Variants in JARID2 observed in about 807,000 individuals in gnomAD.
JARID2 encodes the protein jumonji and AT-rich interaction domain containing 2.
In JARID2, 21 loss-of-function variants were observed where a neutral mutation model predicts 125.6. That is an observed-to-expected ratio of 0.17 (90% CI 0.12 to 0.24). The LOEUF is 0.24. Ranked by LOEUF, JARID2 falls within the 10% of genes least tolerant of loss-of-function variation. The pLI, the probability that JARID2 is intolerant of heterozygous loss-of-function variation, is 1.00. For synonymous variants in JARID2, 736 were observed against 661.6 expected (o/e 1.11, Z -1.73); for missense variants, 1,303 against 1,639.6 (o/e 0.79, Z 3.55).
At chr6:15,246,638 G>C (rs1759191459) in intron 1 of JARID2, 54 bp downstream of exon 1, 3 of 1,408,054 alleles carry the variant, frequency 2.1e-6, no homozygotes, top group Middle Eastern at 3.6e-4. Context: ...CAATGGCTGT[G>C]AATGTCAAGT....
At chr6:15,471,083 A>C (rs945518617) in intron 5 of JARID2, among the ~76,000 whole-genome samples, 6 of 152,218 alleles carry the variant, frequency 3.9e-5, no homozygotes, top group African/African-American at 1.4e-4. Flanking sequence ...GTGAACCTGA[A>C]CTTGAGAAGC....
chr6:15,381,489 T>G (rs1764587619), intron 2 of JARID2, among the ~76,000 whole-genome samples: 1 of 152,172 alleles, frequency 6.6e-6, no homozygotes, highest in Admixed American at 6.5e-5. Context: ...GCCTCCAGAC[T>G]TTTTTCTTTC....
chr6:15,394,047 A>C (rs1212134081), intron 2 of JARID2, among the ~76,000 whole-genome samples: 1 of 152,158 alleles, frequency 6.6e-6, no homozygotes. Context: ...GAGGTCTTCT[A>C]CTTCCGAGGA....
chr6:15,483,811 C>CT (rs1769738075), intron 5 of JARID2, among the ~76,000 whole-genome samples: 1 of 152,126 alleles, frequency 6.6e-6, no homozygotes, highest in African/African-American at 2.4e-5. Flanking sequence ...TACGTTTCTC[C>CT]TTTTGAGGAG....
chr6:15,452,298 AG>A, intron 4 of JARID2, 123 bp downstream of exon 4: 2 of 1,393,238 alleles, frequency 1.4e-6, no homozygotes, highest in Non-Finnish European at 1.9e-6. Flanking sequence ...ACCTGGGTTG[AG>A]GGGGAATTGA....
At chr6:15,309,429 G>A (rs1475922693) in intron 1 of JARID2, among the ~76,000 whole-genome samples, 5 of 152,030 alleles carry the variant, frequency 3.3e-5, no homozygotes, top group Non-Finnish European at 5.9e-5. Context: ...AGGATGTGTA[G>A]TAAGTATTTT....
At chr6:15,413,974 G>C (rs904026956) in intron 3 of JARID2, among the ~76,000 whole-genome samples, 9 of 152,184 alleles carry the variant, frequency 5.9e-5, no homozygotes, top group African/African-American at 2.2e-4. Context: ...ATGTGCTTTG[G>C]AAAGAGCATT....
chr6:15,405,882 C>T (rs1428741942), intron 2 of JARID2, among the ~76,000 whole-genome samples: 1 of 152,164 alleles, frequency 6.6e-6, no homozygotes, highest in East Asian at 1.9e-4. Context: ...CTGACCTGGC[C>T]CTCCTGGATT....
chr6:15,339,325 T>G (rs758946978), intron 1 of JARID2, among the ~76,000 whole-genome samples: 2 of 152,064 alleles, frequency 1.3e-5, no homozygotes, highest in Non-Finnish European at 2.9e-5. Context: ...CAGCTAATCC[T>G]AAAGGATAAA....
chr6:15,431,884 G>C (rs1766980875), intron 3 of JARID2, among the ~76,000 whole-genome samples: 1 of 152,144 alleles, frequency 6.6e-6, no homozygotes. Context: ...GTATGCCACT[G>C]GAAAGGACTC....
Position 15,356,095 on chromosome 6 carries a change from C to G in JARID2, c.46-18022C>G, listed in dbSNP as rs189159361. ...CTGCAATATGTGGCCTCTCTGCCTCCCTGTTTCCCTAGCTATGTTTTCAAG... is the reference window on the plus strand; with the variant it reads ...CTGCAATATGTGGCCTCTCTGCCTCGCTGTTTCCCTAGCTATGTTTTCAAG... On this transcript the variant is annotated intron_variant, in intron 1 of 17. Transcript: ENST00000341776. 2.6e-5 allele frequency among the ~76,000 whole-genome samples: 4 copies of G among 152,310 alleles called. No individual in the cohort carries two copies. In the East Asian group the frequency reaches 7.7e-4, roughly 29 times the overall value.
At chr6:15,504,332 C>G (rs191058711) in intron 8 of JARID2, among the ~76,000 whole-genome samples, 168 bp from the exon 9 acceptor site, 61 of 152,348 alleles carry the variant, frequency 4.0e-4, no homozygotes, top group African/African-American at 1.4e-3. Context: ...ACTGCGGGTT[C>G]TTAGAGAATA....
chr6:15,366,527 T>TG (rs1763985003), intron 1 of JARID2, among the ~76,000 whole-genome samples: 1 of 28,974 alleles, frequency 3.5e-5, no homozygotes, highest in Non-Finnish European at 7.0e-5. Flanking sequence ...GCGGGGGGGG[T>TG]GGGGGGTGGG....
At chr6:15,253,967 T>C (rs572958532) in intron 1 of JARID2, among the ~76,000 whole-genome samples, 70 of 152,260 alleles carry the variant, frequency 4.6e-4, no homozygotes, top group African/African-American at 1.5e-3. Context: ...AGAAGTAACA[T>C]GAACGATCAG....
intron 1 of JARID2, among the ~76,000 whole-genome samples, chr6:15,359,552 G>A (rs1006805508): frequency 1.4e-4 from 22 of 151,976 alleles, no homozygotes; most frequent in South Asian, 2.1e-4. Context: ...TCACTCACTC[G>A]GCCCCTCATT....
chr6:15,441,032 C>A (rs1243777049), intron 3 of JARID2, among the ~76,000 whole-genome samples: 1 of 151,886 alleles, frequency 6.6e-6, no homozygotes, highest in Non-Finnish European at 1.5e-5. Flanking sequence ...CTGTCAGAGC[C>A]CCAAAATGTG....
intron 4 of JARID2, 32 bp downstream of exon 4, chr6:15,452,207 C>T (rs780860352): frequency 3.7e-6 from 6 of 1,610,288 alleles, no homozygotes; most frequent in Non-Finnish European, 1.7e-6. Flanking sequence ...CGGAGGTCTA[C>T]GTGGAATCTA....
chr6:15,309,422 A>T (rs1466981601), intron 1 of JARID2, among the ~76,000 whole-genome samples: 1 of 152,032 alleles, frequency 6.6e-6, no homozygotes, highest in East Asian at 1.9e-4. Flanking sequence ...GGCCACAAGG[A>T]TGTGTAGTAA....
chr6:15,412,911 T>G (rs1765944323), intron 3 of JARID2, among the ~76,000 whole-genome samples: 1 of 152,066 alleles, frequency 6.6e-6, no homozygotes, highest in Admixed American at 6.6e-5. Context: ...TGGTTAATTT[T>G]AAAATATCTT....
Sources: gnomAD v4.1 joint callset for allele counts (sites outside exome capture counted in the v4.1 genomes callset) on GRCh38, gnomAD v4.1.1 for gene constraint, MANE v1.5 for transcripts, NCBI Gene and HGNC (gene_info 2026-07-23, HGNC 2026-07-21) for gene names.